Variants in NUP188 observed in about 807,000 individuals in gnomAD.
NUP188 encodes nucleoporin 188.
In NUP188, 97 loss-of-function variants were observed where a neutral mutation model predicts 223.0. The observed-to-expected ratio is 0.43, with a 90% confidence interval of 0.37 to 0.51. The LOEUF is 0.51. Ranked by LOEUF, NUP188 falls within the 20% of genes least tolerant of loss-of-function variation. The pLI is 0.00. For synonymous variants in NUP188, 869 were observed against 828.0 expected (o/e 1.05, Z -0.85); for missense variants, 1,947 against 2,175.6 (o/e 0.89, Z 2.09).
chr9:128,983,227 A>T lies in NUP188; in HGVS notation c.1797-66A>T, dbSNP rs1431974397. Reference sequence around the variant, plus strand: ...GAGACTGGGGAGAGAGAAGTGGAAAAATGTTTGTGAGGGAACCAGTTGTAT... The same window carrying T: ...GAGACTGGGGAGAGAGAAGTGGAAATATGTTTGTGAGGGAACCAGTTGTAT... On this transcript the variant is annotated intron_variant, in intron 17 of 43. Transcript: ENST00000372577. 1.2e-5 allele frequency: 18 copies of T among 1,485,894 alleles called. 1 individual carries two copies. The highest frequency in any genetic ancestry group is 1.6e-5 in the Non-Finnish European group (17 of 1,064,968). The allele number at this position is 1,485,894 out of a possible 1,614,324, so 92.0% of individuals were successfully genotyped here.
At position 129,005,685 on chromosome 9, in the gene NUP188, G is replaced by C; in HGVS notation, c.4778G>C (p.Ser1593Thr). ...GAATACAACTTCCTGTTTGCCCTGA[G>C]CTTTACCACTCCCACCTTTGACTCC... Reference protein sequence around the residue: ...LAEYNFLFALSFTTPTFDSEV... With the variant: ...LAEYNFLFALTFTTPTFDSEV... The change falls in exon 41 of 44, where the codon AGC becomes ACC. Residue 1593 changes from serine (S) to threonine (T), a missense_variant. Ser to Thr is a moderately conservative substitution (Grantham distance 58). Coordinates refer to ENST00000372577, the MANE Select transcript of NUP188 (RefSeq NM_015354.3). 4 of 1,614,054 alleles carry C rather than the reference G, an allele frequency of 2.5e-6. No homozygotes were observed. Among genetic ancestry groups the C allele is most frequent in the Non-Finnish European group, 3.4e-6 (4 of 1,179,984 alleles).
chr9:128,960,201 C>G (rs1260149082), intron 8 of NUP188, among the ~76,000 whole-genome samples: 1 of 149,620 alleles, frequency 6.7e-6, no homozygotes, highest in Non-Finnish European at 1.5e-5. Context: ...GTAGCTGGGA[C>G]TACAGGTGCC....
At chr9:128,994,057 T>C (rs1842475347) in intron 27 of NUP188, among the ~76,000 whole-genome samples, 1 of 152,138 alleles carries the variant, frequency 6.6e-6, no homozygotes, top group African/African-American at 2.4e-5. Flanking sequence ...GAAGGAGTGT[T>C]AAAAGGCTAA....
intron 12 of NUP188, 139 bp downstream of exon 12, chr9:128,973,388 T>G: frequency 1.6e-6 from 1 of 610,304 alleles, no homozygotes; most frequent in Non-Finnish European, 2.8e-6. Context: ...TATTTACTTT[T>G]TTCTTTTTTT....
At position 128,993,195 on chromosome 9, in the gene NUP188, A is replaced by G; in HGVS notation, c.2641-2A>G. ...AAGCCTGTGTGTTCCGGTCTCCACC[A>G]GGTGGCCCCAATGTCAGTGTATGCT... On this transcript the variant is annotated splice_acceptor_variant, in intron 25 of 43. Transcript: ENST00000372577. LOFTEE classifies it high-confidence loss of function. 6.2e-7 allele frequency: 1 copy of G among 1,613,462 alleles called. No homozygotes were observed. Among genetic ancestry groups the G allele is most frequent in the Non-Finnish European group, 8.5e-7 (1 of 1,179,368 alleles).
chr9:128,975,764 T>G (rs754282336), intron 12 of NUP188, among the ~76,000 whole-genome samples: 1 of 151,282 alleles, frequency 6.6e-6, no homozygotes, highest in African/African-American at 2.4e-5. Context: ...GTGATCCGCC[T>G]GCCTCAGCCT....
At position 128,998,079 on chromosome 9, in the gene NUP188, G is replaced by A. The variant is rs1842561818; in HGVS notation, c.3352-72G>A. 6 of 1,005,108 alleles carry A rather than the reference G, an allele frequency of 6.0e-6. No individual in the cohort carries two copies. The Admixed American group carries it at 1.0e-4, about 17-fold the overall frequency. The allele number at this position is 1,005,108 out of a possible 1,614,324, so 62.3% of individuals were successfully genotyped here. Reference sequence around the variant, plus strand: ...TACCAATGACTAATTGCCTAGCAGAGGACCCCATGTTTCTTGGCCTCTAAA... The same window carrying A: ...TACCAATGACTAATTGCCTAGCAGAAGACCCCATGTTTCTTGGCCTCTAAA... On this transcript the variant is annotated intron_variant, in intron 30 of 43. Transcript: ENST00000372577.
chr9:128,977,972 T>C (rs772234663), intron 12 of NUP188, among the ~76,000 whole-genome samples: 107 of 152,134 alleles, frequency 7.0e-4, no homozygotes, highest in Non-Finnish European at 1.3e-3. Flanking sequence ...GAAATTACTG[T>C]CCCCATTTTA....
At chr9:128,983,427 C>T (rs1842285503) in intron 18 of NUP188, 47 bp downstream of exon 18, 1 of 1,611,432 alleles carries the variant, frequency 6.2e-7, no homozygotes, top group Non-Finnish European at 8.5e-7. Flanking sequence ...GCACTTGGCA[C>T]ATACCTGAAG....
intron 30 of NUP188, 85 bp downstream of exon 30, chr9:128,995,599 C>T (rs1056695797): frequency 4.9e-5 from 57 of 1,174,352 alleles, no homozygotes; most frequent in Admixed American, 3.7e-4. Context: ...GCTCCTTGTG[C>T]GGAAGAATTA....
chr9:129,006,265 A>T lies in NUP188; in HGVS notation c.4970A>T (p.Asn1657Ile). ...TCCCTCCTGATGTTTACCATGGAAA[A>T]CTGCTTCTACCTGCTCATCTCTCAG... ...LKSLLMFTME[N>I]CFYLLISQAM... Residue 1657 changes from asparagine (N) to isoleucine (I), a missense_variant, in exon 43 of 44, where the codon AAC (asparagine) becomes ATC (isoleucine). Transcript: ENST00000372577. The T allele has an allele frequency of 1.2e-6, 2 of 1,614,074 alleles. No individual in the cohort carries two copies. Among genetic ancestry groups the T allele is most frequent in the Non-Finnish European group, 1.7e-6 (2 of 1,179,996 alleles).
intron 3 of NUP188, among the ~76,000 whole-genome samples, chr9:128,954,732 C>A (rs1841844932): frequency 6.6e-6 from 1 of 151,940 alleles, no homozygotes; most frequent in Non-Finnish European, 1.5e-5. Context: ...TGACCTTGAA[C>A]AAGTTTGAGG....
chr9:128,988,719 A>ATTTTTTTTTTTTTTTTTTT (rs528821221), intron 24 of NUP188, among the ~76,000 whole-genome samples: 4 of 72,866 alleles, frequency 5.5e-5, no homozygotes, highest in Admixed American at 2.4e-4. Flanking sequence ...TAATTTTTTA[A>ATTTTTTTTTTTTTTTTTTT]TTTTTTTTTT....
rs547983716 is a variant in NUP188 at position 128,952,816 on chromosome 9, T to C, written c.131T>C (p.Leu44Ser). 19 of 1,613,890 alleles carry C rather than the reference T, an allele frequency of 1.2e-5. No individual in the cohort carries two copies. The highest frequency in any genetic ancestry group is 5.5e-5 in the South Asian group (5 of 91,078). Residue 44 changes from leucine (L) to serine (S), a missense_variant, in exon 3 of 44, where the codon TTA (leucine) becomes TCA (serine). Leu to Ser is a moderately radical substitution (Grantham distance 145). Coordinates refer to ENST00000372577, the MANE Select transcript of NUP188 (RefSeq NM_015354.3). ...CTGAATAAACATTGGCGGCGATTGT[T>C]AGAGGGGCTTTCTTACTACAAACCT... is the stretch of plus-strand genomic sequence containing the variant. ...AELNKHWRRL[L>S]EGLSYYKPPS...
chr9:129,001,745 G>A lies in NUP188; in HGVS notation c.4044+16G>A, dbSNP rs200056102. On this transcript the variant is annotated intron_variant, in intron 35 of 43. Coordinates refer to ENST00000372577, the MANE Select transcript of NUP188 (RefSeq NM_015354.3). Reference sequence around the variant, plus strand: ...CACTCAGCAGGTAGGAGGCCAGCCCGAAGGCAGGAGGGAGCGTCCTTGCTT... The same window carrying A: ...CACTCAGCAGGTAGGAGGCCAGCCCAAAGGCAGGAGGGAGCGTCCTTGCTT... 485 of 1,611,452 alleles carry A rather than the reference G, an allele frequency of 3.0e-4. No homozygotes were observed. The highest frequency in any genetic ancestry group is 3.7e-4 in the Non-Finnish European group (432 of 1,178,938).
chr9:128,982,522 T>C, intron 15 of NUP188, 27 bp from the exon 16 acceptor site: 1 of 1,588,072 alleles, frequency 6.3e-7, no homozygotes, highest in Non-Finnish European at 8.6e-7. Context: ...TCCTCAGATA[T>C]TAGACTAATT....
intron 25 of NUP188, among the ~76,000 whole-genome samples, chr9:128,992,079 TG>T (rs1842444129): frequency 6.6e-6 from 1 of 151,662 alleles, no homozygotes; most frequent in Non-Finnish European, 1.5e-5. Context: ...GCTAATTTTT[TG>T]TATTTTTTTT....
Position 128,994,379 on chromosome 9 carries a change from G to A in NUP188, c.3024G>A (p.Lys1008=), listed in dbSNP as rs771198757. The part of the protein sequence containing the change: ...SAMLVLRTKP[K]FWENLTSPLF... ...ACATTTATTTCCTTTTTAGACCCAA[G>A]TTTTGGGAAAATTTAACCAGTCCGC... is the stretch of plus-strand genomic sequence containing the variant. The change falls in exon 28 of 44, where the codon AAG becomes AAA. Residue 1008 remains lysine, a synonymous_variant. Transcript: ENST00000372577. 1.2e-6 allele frequency: 2 copies of A among 1,611,694 alleles called. No individual in the cohort carries two copies. The highest frequency in any genetic ancestry group is 4.5e-5 in the East Asian group (2 of 44,866).
intron 13 of NUP188, among the ~76,000 whole-genome samples, chr9:128,979,622 T>C (rs1384263340): frequency 6.6e-6 from 1 of 151,908 alleles, no homozygotes; most frequent in Non-Finnish European, 1.5e-5. Flanking sequence ...CCAGGTTTTT[T>C]TTTTTGTTTT....
Sources: gnomAD v4.1 joint callset for allele counts (sites outside exome capture counted in the v4.1 genomes callset) on GRCh38, gnomAD v4.1.1 for gene constraint, MANE v1.5 for transcripts, NCBI Gene and HGNC (gene_info 2026-07-23, HGNC 2026-07-21) for gene names.